Variants in MAGI2 observed in about 807,000 individuals in gnomAD.
MAGI2 encodes membrane-associated guanylate kinase, WW and PDZ domain-containing protein 2.
MAGI2 carries 35 observed loss-of-function variants against 133.3 expected under a neutral mutation model. The observed-to-expected ratio is 0.26, with a 90% CI of 0.20 to 0.35. MAGI2 has a LOEUF of 0.35. Among genes scored for constraint, MAGI2 ranks in the 10% least tolerant of loss-of-function variants. The probability of loss-of-function intolerance (pLI) is 1.00; values close to 1 mark genes in which losing one functional copy is unlikely to be tolerated. For missense variants in MAGI2, 1,636 were observed against 1,863.4 expected, an observed-to-expected ratio of 0.88 and a Z score of 2.25; for synonymous variants, 729 against 710.6, an observed-to-expected ratio of 1.03 and a Z score of -0.41.
At chr7:79,028,360 CACACACACACATGCAT>C in intron 1 of MAGI2, among the ~76,000 whole-genome samples, 1 of 141,028 alleles carries the variant, frequency 7.1e-6, no homozygotes, top group Non-Finnish European at 1.5e-5. Flanking sequence ...CACACATACA[CACACACACACATGCAT>C]ACGCATCTAC....
rs1417715759 is a variant in MAGI2, at chr7:78,473,666, G to T, written c.1045+16095C>A. ...TGCACACTTTTTCATCATGCCCAAT[G>T]ATGTATAATACACAGACACACCTGA... On this transcript the variant is annotated intron_variant, in intron 6 of 21. Coordinates refer to ENST00000354212, the MANE Select transcript of MAGI2 (RefSeq NM_012301.4). Among the ~76,000 whole-genome samples the T allele has an allele frequency of 2.5e-5, 3 of 119,368 alleles. No homozygotes were observed. The South Asian group carries it at 9.6e-4, about 38-fold the overall frequency. The allele number at this position is 119,368 out of a possible 152,430, so 78.3% of individuals were successfully genotyped here.
chr7:78,056,597 A>G (rs965479859), intron 21 of MAGI2, among the ~76,000 whole-genome samples: 1 of 152,132 alleles, frequency 6.6e-6, no homozygotes, highest in African/African-American at 2.4e-5. Flanking sequence ...TCTTCTCACT[A>G]TAAATGGGAG....
chr7:78,513,076 A>C (rs1205113626), intron 4 of MAGI2, among the ~76,000 whole-genome samples: 1 of 152,180 alleles, frequency 6.6e-6, no homozygotes, highest in Non-Finnish European at 1.5e-5. Flanking sequence ...ACAGCAAGGT[A>C]TGAAATAAAG....
intron 3 of MAGI2, among the ~76,000 whole-genome samples, chr7:78,522,430 G>A (rs1416056526): frequency 6.6e-6 from 1 of 152,102 alleles, no homozygotes; most frequent in Non-Finnish European, 1.5e-5. Context: ...CCAGGCTGGA[G>A]GGCAATGGTG....
chr7:79,267,873 A>C (rs984868061), intron 1 of MAGI2, among the ~76,000 whole-genome samples: 3 of 152,184 alleles, frequency 2.0e-5, no homozygotes, highest in Admixed American at 6.5e-5. Flanking sequence ...AGTAGTAAGC[A>C]ATTTTTAGGA....
chr7:78,675,275 T>A (rs969824935), intron 2 of MAGI2, among the ~76,000 whole-genome samples: 5 of 149,708 alleles, frequency 3.3e-5, no homozygotes, highest in Admixed American at 6.7e-5. Flanking sequence ...GTTGTTGTTG[T>A]TGATGTATTG....
intron 21 of MAGI2, among the ~76,000 whole-genome samples, chr7:78,025,860 C>T (rs1235073312): frequency 6.6e-6 from 1 of 152,158 alleles, no homozygotes; most frequent in East Asian, 1.9e-4. Context: ...AAGTCAAATT[C>T]TGAATTTTTA....
At chr7:79,188,065 T>C (rs1389776085) in intron 1 of MAGI2, among the ~76,000 whole-genome samples, 1 of 151,884 alleles carries the variant, frequency 6.6e-6, no homozygotes, top group East Asian at 1.9e-4. Flanking sequence ...CAGCCTTCCA[T>C]GTAATTCAGT....
chr7:78,921,293 G>A lies in MAGI2; in HGVS notation c.418+85797C>T, dbSNP rs950603568. Among the ~76,000 whole-genome samples the A allele has an allele frequency of 2.6e-5, 4 of 152,124 alleles. 1 individual carries two copies. In the East Asian group the frequency reaches 5.8e-4, roughly 22 times the overall value. On this transcript the variant is annotated intron_variant, in intron 2 of 21. Transcript: ENST00000354212. ...AGGTGCTATGACCTTTCTATTCCAC[G>A]TTCCTAAAGATATGAGTAAAAAATG...
intron 9 of MAGI2, among the ~76,000 whole-genome samples, chr7:78,291,502 T>A (rs1196230048): frequency 6.6e-6 from 1 of 152,010 alleles, no homozygotes; most frequent in Admixed American, 6.6e-5. Context: ...CTACCAGAGG[T>A]ACAAGGAGGA....
intron 6 of MAGI2, among the ~76,000 whole-genome samples, chr7:78,435,464 C>T (rs1368622924): frequency 6.6e-6 from 1 of 152,068 alleles, no homozygotes; most frequent in East Asian, 1.9e-4. Context: ...TGCCAGTTTC[C>T]CCAAGATTTC....
At chr7:78,817,812 C>T (rs760455939) in intron 2 of MAGI2, among the ~76,000 whole-genome samples, 4 of 151,600 alleles carry the variant, frequency 2.6e-5, no homozygotes, top group Non-Finnish European at 4.4e-5. Flanking sequence ...TGGGTTCAAG[C>T]GATTCTCCTG....
intron 1 of MAGI2, among the ~76,000 whole-genome samples, chr7:79,365,321 T>C (rs1842628615): frequency 6.6e-6 from 1 of 152,128 alleles, no homozygotes; most frequent in Non-Finnish European, 1.5e-5. Flanking sequence ...TGGCAGTGTG[T>C]TATAAAACTA....
chr7:78,495,617 C>T (rs149072777), intron 5 of MAGI2, among the ~76,000 whole-genome samples: 19 of 152,258 alleles, frequency 1.2e-4, no homozygotes, highest in Admixed American at 1.1e-3. Context: ...CTATGTTTTT[C>T]TATCTATACA....
chr7:78,793,893 C>T (rs1787381319), intron 2 of MAGI2, among the ~76,000 whole-genome samples: 1 of 152,092 alleles, frequency 6.6e-6, no homozygotes. Flanking sequence ...TTGATAGAAT[C>T]CATGAAGATC....
At chr7:79,273,996 T>C (rs1379319640) in intron 1 of MAGI2, among the ~76,000 whole-genome samples, 2 of 152,054 alleles carry the variant, frequency 1.3e-5, no homozygotes, top group African/African-American at 4.8e-5. Flanking sequence ...ACAGAAGTCA[T>C]AATCCTGGGG....
intron 1 of MAGI2, among the ~76,000 whole-genome samples, chr7:79,178,151 T>C (rs915491679): frequency 6.6e-6 from 1 of 151,880 alleles, no homozygotes; most frequent in African/African-American, 2.4e-5. Flanking sequence ...AATTCTCTCT[T>C]TCTTGTCGCT....
At chr7:78,163,768 G>C (rs1195119028) in intron 15 of MAGI2, among the ~76,000 whole-genome samples, 1 of 151,922 alleles carries the variant, frequency 6.6e-6, no homozygotes, top group African/African-American at 2.4e-5. Flanking sequence ...TTAGCTGGGC[G>C]TGGTGGTGGT....
At chr7:79,226,318 G>T (rs1166862659) in intron 1 of MAGI2, among the ~76,000 whole-genome samples, 1 of 152,068 alleles carries the variant, frequency 6.6e-6, no homozygotes, top group Non-Finnish European at 1.5e-5. Flanking sequence ...TTTTAGAGTG[G>T]TGTCTGGGGA....
Sources: gnomAD v4.1 joint callset for allele counts (sites outside exome capture counted in the v4.1 genomes callset) on GRCh38, gnomAD v4.1.1 for gene constraint, MANE v1.5 for transcripts, NCBI Gene and HGNC (gene_info 2026-07-23, HGNC 2026-07-21) for gene names.